DCLK2: variants seen among roughly 807,000 people sequenced by gnomAD.
The protein encoded by DCLK2 is doublecortin like kinase 2, also known as serine/threonine-protein kinase DCLK2.
DCLK2 carries 31 observed loss-of-function variants against 78.4 expected under a neutral mutation model. That is an observed-to-expected ratio of 0.40 (90% CI 0.30 to 0.53). DCLK2 has a LOEUF of 0.53. Among genes scored for constraint, DCLK2 ranks in the 20% least tolerant of loss-of-function variants. The pLI is 0.61. For synonymous variants in DCLK2, 407 were observed against 374.9 expected (o/e 1.09, Z -0.99); for missense variants, 872 against 973.7 (o/e 0.90, Z 1.39).
At chr4:150,180,026 G>T (rs1251924882) in intron 2 of DCLK2, among the ~76,000 whole-genome samples, 2 of 152,066 alleles carry the variant, frequency 1.3e-5, no homozygotes, top group Non-Finnish European at 2.9e-5. Context: ...TAGAAAAATG[G>T]TTTGATTATT....
Position 150,079,460 on chromosome 4 carries a change from GGGCGCCGCACGGCAGGTGCGGC to G in DCLK2, c.421+15_421+36del. ...CGAGCTGCTGGAAGGTAGGAGGGGA[GGGCGCCGCACGGCAGGTGCGGC>G]GGAGCGCCGGCAGGTGCAGTGGGCG... is the stretch of plus-strand genomic sequence containing the variant. On this transcript the variant is annotated intron_variant, in intron 1 of 15. Transcript: ENST00000296550. 5 of 1,478,308 alleles carry G rather than the reference GGGCGCCGCACGGCAGGTGCGGC, an allele frequency of 3.4e-6. No homozygotes were observed. The highest frequency in any genetic ancestry group is 4.5e-6 in the Non-Finnish European group (5 of 1,112,544). 91.6% of individuals were successfully genotyped at this position (1,478,308 alleles called of 1,614,324 possible).
intron 2 of DCLK2, among the ~76,000 whole-genome samples, chr4:150,161,522 T>C (rs938340280): frequency 6.6e-6 from 1 of 152,136 alleles, no homozygotes; most frequent in Non-Finnish European, 1.5e-5. Flanking sequence ...TTATAAGACA[T>C]GAGACTGATA....
At chr4:150,171,428 C>A (rs1362895378) in intron 2 of DCLK2, among the ~76,000 whole-genome samples, 1 of 152,118 alleles carries the variant, frequency 6.6e-6, no homozygotes, top group East Asian at 1.9e-4. Context: ...TTCCAGTGAG[C>A]AGATATCGCG....
At chr4:150,119,981 G>A (rs1732401485) in intron 2 of DCLK2, among the ~76,000 whole-genome samples, 1 of 152,116 alleles carries the variant, frequency 6.6e-6, no homozygotes, top group Non-Finnish European at 1.5e-5. Flanking sequence ...TTTTGGTCAT[G>A]GCTAACTTCT....
At position 150,256,703 on chromosome 4, in the gene DCLK2, C is replaced by A; in HGVS notation, c.*456C>A. On this transcript the variant is annotated 3_prime_UTR_variant, in exon 16 of 16. Coordinates refer to ENST00000296550, the MANE Select transcript of DCLK2 (RefSeq NM_001040260.4). ...TCTCTCTCTCTCTCTTTTTTTTTTACGAAAGACTTAGAATTGCATTTGTCC... is the reference window on the plus strand; with the variant it reads ...TCTCTCTCTCTCTCTTTTTTTTTTAAGAAAGACTTAGAATTGCATTTGTCC... 6.5e-6 allele frequency: 1 copy of A among 154,440 alleles called. No individual in the cohort carries two copies. Among genetic ancestry groups the A allele is most frequent in the East Asian group, 1.9e-4 (1 of 5,254 alleles). 9.6% of individuals were successfully genotyped at this position (154,440 alleles called of 1,614,324 possible).
chr4:150,245,984 A>G (rs1349741292), intron 12 of DCLK2, among the ~76,000 whole-genome samples: 1 of 152,138 alleles, frequency 6.6e-6, no homozygotes, highest in Non-Finnish European at 1.5e-5. Flanking sequence ...ACTATTCACA[A>G]TAGCAAAGAC....
chr4:150,189,226 T>C (rs1560849562), intron 2 of DCLK2, among the ~76,000 whole-genome samples: 1 of 102,278 alleles, frequency 9.8e-6, no homozygotes, highest in Non-Finnish European at 2.1e-5. Flanking sequence ...CTGCAGTAGA[T>C]ACATTTTTAT....
At chr4:150,202,622 T>G (rs1238427166) in intron 4 of DCLK2, among the ~76,000 whole-genome samples, 1 of 152,186 alleles carries the variant, frequency 6.6e-6, no homozygotes, top group African/African-American at 2.4e-5. Flanking sequence ...GCATTTGGTT[T>G]TTTATACTTA....
At chr4:150,195,344 A>T (rs1321946722) in intron 3 of DCLK2, among the ~76,000 whole-genome samples, 1 of 4,762 alleles carries the variant, frequency 2.1e-4, no homozygotes, top group African/African-American at 6.4e-4. Context: ...TATATTATAT[A>T]ATATTATATA....
intron 12 of DCLK2, among the ~76,000 whole-genome samples, chr4:150,242,688 C>G (rs1200858849): frequency 6.6e-6 from 1 of 152,122 alleles, no homozygotes; most frequent in African/African-American, 2.4e-5. Context: ...TGCAAGATTC[C>G]CCAAAGCAGC....
In DCLK2 at chr4:150,257,383, T is replaced by G. The variant is rs1280770626; in HGVS notation, c.*1136T>G. The G allele has an allele frequency of 6.6e-6, 1 of 152,642 alleles. No individual in the cohort carries two copies. Among genetic ancestry groups the G allele is most frequent in the East Asian group, 1.9e-4 (1 of 5,206 alleles). 9.5% of individuals were successfully genotyped at this position (152,642 alleles called of 1,614,324 possible). On this transcript the variant is annotated 3_prime_UTR_variant, in exon 16 of 16. Transcript: ENST00000296550. The stretch of plus-strand genomic sequence containing the variant: ...CCTATAGTTCGTTCTCATTGTTAGA[T>G]TTTGCCTTTTACAAGTGTCCCCAAC...
In DCLK2 at chr4:150,239,823, A is replaced by G. The variant is rs140025834; in HGVS notation, c.1648A>G (p.Thr550Ala). ...LATVVEGPLY[T>A]VCGTPTYVAP... is the part of the protein sequence containing the mutation. ...GACTGTGGTAGAAGGCCCTTTATACACAGTCTGTGGCACACCCACTTATGT... is the reference window on the plus strand; with the variant it reads ...GACTGTGGTAGAAGGCCCTTTATACGCAGTCTGTGGCACACCCACTTATGT... Residue 550 changes from threonine to alanine, a missense_variant, in exon 11 of 16, where the codon ACA becomes GCA. By Grantham distance (58) the Thr-to-Ala change is moderately conservative. Transcript: ENST00000296550. 4 of 1,614,088 alleles carry G rather than the reference A, an allele frequency of 2.5e-6. No homozygotes were observed. The African/African-American group carries it at 5.3e-5, about 22-fold the overall frequency.
chr4:150,168,260 G>A (rs998266401), intron 2 of DCLK2, among the ~76,000 whole-genome samples: 7 of 151,500 alleles, frequency 4.6e-5, no homozygotes, highest in Non-Finnish European at 4.4e-5. Context: ...GGAGAGTGGC[G>A]TAAGTAAACC....
At chr4:150,082,438 C>T (rs1028694582) in intron 1 of DCLK2, among the ~76,000 whole-genome samples, 1 of 152,156 alleles carries the variant, frequency 6.6e-6, no homozygotes, top group African/African-American at 2.4e-5. Context: ...AAGAAATTTG[C>T]ATGGCCCAAA....
intron 2 of DCLK2, among the ~76,000 whole-genome samples, chr4:150,139,789 G>A (rs1054894663): frequency 3.3e-5 from 5 of 152,156 alleles, no homozygotes; most frequent in Non-Finnish European, 5.9e-5. Context: ...CAGTGCCAAA[G>A]CTAATGCCAT....
intron 1 of DCLK2, among the ~76,000 whole-genome samples, chr4:150,096,534 G>A (rs1730476334): frequency 6.6e-6 from 1 of 152,080 alleles, no homozygotes; most frequent in African/African-American, 2.4e-5. Context: ...ATGCCTGGGT[G>A]GGTGTGGAAA....
intron 5 of DCLK2, among the ~76,000 whole-genome samples, chr4:150,210,972 GAAAA>G (rs1740263319): frequency 6.9e-6 from 1 of 144,598 alleles, no homozygotes; most frequent in Admixed American, 6.9e-5. Flanking sequence ...AAGAAAGAAA[GAAAA>G]AGGTTATCCC....
chr4:150,201,346 G>T (rs1300885826), intron 4 of DCLK2, among the ~76,000 whole-genome samples: 3 of 152,086 alleles, frequency 2.0e-5, no homozygotes, highest in African/African-American at 7.2e-5. Flanking sequence ...AGTTGCAGGG[G>T]GAGAGGTCAT....
In DCLK2 at chr4:150,256,844, G is replaced by C. The variant is rs1456474508; in HGVS notation, c.*597G>C. The C allele has an allele frequency of 6.6e-6, 1 of 152,472 alleles. No homozygotes were observed. The highest frequency in any genetic ancestry group is 1.9e-4 in the East Asian group (1 of 5,200). 9.4% of individuals were successfully genotyped at this position (152,472 alleles called of 1,614,324 possible). A position where few individuals can be genotyped will look rare whatever the true frequency, so the allele number is the denominator to read the frequency against. On this transcript the variant is annotated 3_prime_UTR_variant, in exon 16 of 16. Transcript: ENST00000296550. ...ATTGGACACGGATTGCAGGCTTTGA[G>C]AAGCGCTCAGAGGCCCAGGGCGGCG...
Sources: gnomAD v4.1 joint callset for allele counts (sites outside exome capture counted in the v4.1 genomes callset) on GRCh38, gnomAD v4.1.1 for gene constraint, MANE v1.5 for transcripts, NCBI Gene and HGNC (gene_info 2026-07-23, HGNC 2026-07-21) for gene names.